The following CLSTN2 variants were observed in gnomAD, a reference collection of about 807,000 sequenced individuals.
CLSTN2 encodes the protein calsyntenin 2.
In CLSTN2, 48 loss-of-function variants were observed where a neutral mutation model predicts 101.2. The observed-to-expected ratio is 0.47, with a 90% CI of 0.38 to 0.60. The LOEUF (loss-of-function observed/expected upper bound fraction) is 0.60. Among genes scored for constraint, CLSTN2 ranks in the 20% least tolerant of loss-of-function variants. The pLI is 0.00. For missense variants in CLSTN2, 1,160 were observed against 1,238.2 expected (o/e 0.94, Z 0.95); for synonymous variants, 481 against 463.6 (o/e 1.04, Z -0.48).
chr3:140,008,312 CT>C (rs1431450587), intron 1 of CLSTN2, among the ~76,000 whole-genome samples: 1 of 152,254 alleles, frequency 6.6e-6, no homozygotes, highest in Admixed American at 6.5e-5. Flanking sequence ...ATCATTGCCC[CT>C]GGTATCATTG....
intron 1 of CLSTN2, among the ~76,000 whole-genome samples, chr3:140,078,913 G>C (rs1440833730): frequency 1.3e-5 from 2 of 152,104 alleles, no homozygotes; most frequent in African/African-American, 4.8e-5. Context: ...TTCAGTCTTT[G>C]AAAAAGGGAA....
chr3:139,947,003 C>A (rs1215337368), intron 1 of CLSTN2, among the ~76,000 whole-genome samples: 2 of 152,190 alleles, frequency 1.3e-5, no homozygotes, highest in East Asian at 1.9e-4. Flanking sequence ...ATTTTTCCAA[C>A]TCTTTCTGCT....
chr3:140,276,494 A>G (rs1260270365), intron 2 of CLSTN2, among the ~76,000 whole-genome samples: 2 of 152,122 alleles, frequency 1.3e-5, no homozygotes, highest in African/African-American at 2.4e-5. Context: ...TTCTCTTGAG[A>G]CTAGGAATTG....
intron 2 of CLSTN2, among the ~76,000 whole-genome samples, chr3:140,282,587 A>T (rs1337451702): frequency 6.6e-6 from 1 of 151,238 alleles, no homozygotes. Flanking sequence ...TATAAACCAA[A>T]GAAACTTGTC....
intron 2 of CLSTN2, among the ~76,000 whole-genome samples, chr3:140,248,928 G>T (rs1424537111): frequency 2.0e-5 from 3 of 152,200 alleles, no homozygotes; most frequent in African/African-American, 7.2e-5. Flanking sequence ...TAAAAGGAGA[G>T]AAGTGGATTA....
intron 2 of CLSTN2, among the ~76,000 whole-genome samples, chr3:140,373,670 G>T (rs1176249655): frequency 6.6e-6 from 1 of 152,206 alleles, no homozygotes; most frequent in African/African-American, 2.4e-5. Flanking sequence ...AAGAGAGAGA[G>T]CTCTATTTTA....
intron 1 of CLSTN2, among the ~76,000 whole-genome samples, chr3:140,031,163 A>T (rs2007538705): frequency 6.6e-6 from 1 of 152,206 alleles, no homozygotes; most frequent in Non-Finnish European, 1.5e-5. Flanking sequence ...TTTTCCTAGG[A>T]AAGCAATGTA....
chr3:140,228,703 C>T (rs1468063177), intron 2 of CLSTN2, among the ~76,000 whole-genome samples: 2 of 152,170 alleles, frequency 1.3e-5, no homozygotes, highest in Admixed American at 1.3e-4. Flanking sequence ...GGGGGCCTCA[C>T]AATCATGGCG....
At chr3:140,103,157 G>A (rs904017716) in intron 1 of CLSTN2, among the ~76,000 whole-genome samples, 1 of 152,140 alleles carries the variant, frequency 6.6e-6, no homozygotes, top group South Asian at 2.1e-4. Flanking sequence ...CCCAGTACCT[G>A]GGCATTGCTT....
intron 1 of CLSTN2, among the ~76,000 whole-genome samples, chr3:139,988,154 T>G (rs1936059193): frequency 6.6e-6 from 1 of 152,236 alleles, no homozygotes; most frequent in South Asian, 2.1e-4. Flanking sequence ...GTGCAGCGCT[T>G]GTCCTTATAG....
chr3:140,232,082 A>G (rs1328768081), intron 2 of CLSTN2, among the ~76,000 whole-genome samples: 2 of 152,248 alleles, frequency 1.3e-5, no homozygotes, highest in African/African-American at 4.8e-5. Context: ...ACAGCACAGT[A>G]CATACTAAAT....
At chr3:140,452,164 G>A (rs1435458326) in intron 6 of CLSTN2, among the ~76,000 whole-genome samples, 1 of 152,050 alleles carries the variant, frequency 6.6e-6, no homozygotes, top group South Asian at 2.1e-4. Context: ...GTTGCCTGTG[G>A]TATACCCTGG....
intron 1 of CLSTN2, among the ~76,000 whole-genome samples, chr3:140,048,270 C>G (rs969907904): frequency 6.6e-6 from 1 of 152,218 alleles, no homozygotes; most frequent in African/African-American, 2.4e-5. Context: ...TTATATACCA[C>G]AGTTGTGCAT....
At chr3:140,474,052 G>A (rs1933921561) in intron 8 of CLSTN2, among the ~76,000 whole-genome samples, 1 of 152,132 alleles carries the variant, frequency 6.6e-6, no homozygotes, top group Non-Finnish European at 1.5e-5. Flanking sequence ...GGGATTACAG[G>A]CATAAGCCAC....
chr3:139,940,464 A>G (rs1342905038), intron 1 of CLSTN2, among the ~76,000 whole-genome samples: 3 of 152,208 alleles, frequency 2.0e-5, no homozygotes, highest in Non-Finnish European at 4.4e-5. Context: ...TGGGGCATGT[A>G]AAATGCACTA....
chr3:140,007,060 G>A (rs1003408941), intron 1 of CLSTN2, among the ~76,000 whole-genome samples: 7 of 152,160 alleles, frequency 4.6e-5, no homozygotes, highest in Non-Finnish European at 8.8e-5. Flanking sequence ...ACAGTAGCAT[G>A]TCACTGAGGG....
chr3:140,526,690 A>G (rs1455066722), intron 8 of CLSTN2, among the ~76,000 whole-genome samples: 1 of 152,078 alleles, frequency 6.6e-6, no homozygotes. Context: ...AAATTATACC[A>G]TAAGGCAACA....
chr3:139,943,993 C>T lies in CLSTN2; in HGVS notation c.109+8510C>T, dbSNP rs947076220. ...CTCTCCAGCCTGGCGTAAAAGTCTA[C>T]GATTTTGCCCATCTGGCCTTCTCTC... On this transcript the variant is annotated intron_variant, in intron 1 of 16. Coordinates refer to ENST00000458420, the MANE Select transcript of CLSTN2 (RefSeq NM_022131.3). Among the ~76,000 whole-genome samples, 3 of 152,318 alleles carry T rather than the reference C, an allele frequency of 2.0e-5. No homozygotes were observed. The South Asian group carries it at 6.2e-4, about 32-fold the overall frequency.
At chr3:140,009,478 T>A (rs1435962929) in intron 1 of CLSTN2, among the ~76,000 whole-genome samples, 1 of 152,240 alleles carries the variant, frequency 6.6e-6, no homozygotes, top group Non-Finnish European at 1.5e-5. Flanking sequence ...ATATATTTAT[T>A]TGCTATTTAT....
Sources: gnomAD v4.1 joint callset for allele counts (sites outside exome capture counted in the v4.1 genomes callset) on GRCh38, gnomAD v4.1.1 for gene constraint, MANE v1.5 for transcripts, NCBI Gene and HGNC (gene_info 2026-07-23, HGNC 2026-07-21) for gene names.